Variants in FHIT observed in about 807,000 individuals in gnomAD.
FHIT encodes the protein bis(5'-adenosyl)-triphosphatase.
A neutral mutation model predicts 17.9 loss-of-function variants in FHIT; 19 were observed. The observed-to-expected ratio is 1.06, with a 90% CI of 0.74 to 1.56. FHIT has a LOEUF of 1.56. FHIT is among the 40% of genes most tolerant of loss of function. The pLI is 0.00. For missense variants in FHIT, 248 were observed against 189.2 expected (o/e 1.31, Z -1.82); for synonymous variants, 81 against 69.7 (o/e 1.16, Z -0.81).
intron 2 of FHIT, among the ~76,000 whole-genome samples, chr3:61,174,008 G>A (rs1425716389): frequency 3.3e-5 from 5 of 152,220 alleles, no homozygotes; most frequent in African/African-American, 1.2e-4. Flanking sequence ...TTGACCTGCA[G>A]TAATTGGGAA....
intron 3 of FHIT, among the ~76,000 whole-genome samples, chr3:60,938,320 C>G (rs1220228096): frequency 6.6e-6 from 1 of 152,088 alleles, no homozygotes; most frequent in Non-Finnish European, 1.5e-5. Flanking sequence ...CCCCAGAAGC[C>G]CAGCTGAAAG....
At chr3:60,971,641 A>C (rs556612072) in intron 3 of FHIT, among the ~76,000 whole-genome samples, 14 of 151,916 alleles carry the variant, frequency 9.2e-5, no homozygotes, top group African/African-American at 3.4e-4. Flanking sequence ...AATGCTTCCT[A>C]GCTGTAATTT....
chr3:59,800,039 T>A (rs1004723439), intron 8 of FHIT, among the ~76,000 whole-genome samples: 20 of 152,224 alleles, frequency 1.3e-4, no homozygotes, highest in African/African-American at 4.8e-4. Context: ...TGAAAACCAT[T>A]CAGGAATACA....
intron 1 of FHIT, among the ~76,000 whole-genome samples, chr3:61,220,363 A>G (rs1004386835): frequency 6.6e-6 from 1 of 152,254 alleles, no homozygotes; most frequent in Non-Finnish European, 1.5e-5. Flanking sequence ...ATTATTTAAG[A>G]ATCTGCATAA....
intron 5 of FHIT, among the ~76,000 whole-genome samples, chr3:60,358,815 G>A (rs1315714412): frequency 2.6e-5 from 4 of 152,074 alleles, no homozygotes. Context: ...AGGTCTTTGG[G>A]GAAATTATTC....
At chr3:60,486,578 A>C (rs1449557613) in intron 5 of FHIT, among the ~76,000 whole-genome samples, 2 of 152,116 alleles carry the variant, frequency 1.3e-5, no homozygotes, top group Admixed American at 1.3e-4. Context: ...CTGATAGCTA[A>C]AGATCTATAG....
intron 5 of FHIT, among the ~76,000 whole-genome samples, chr3:60,031,484 C>A (rs1700998599): frequency 6.6e-6 from 1 of 152,202 alleles, no homozygotes; most frequent in African/African-American, 2.4e-5. Flanking sequence ...TGACTCAGAT[C>A]TGGATTCCAA....
intron 5 of FHIT, among the ~76,000 whole-genome samples, chr3:60,291,952 C>A (rs1384242413): frequency 6.6e-6 from 1 of 152,078 alleles, no homozygotes; most frequent in Non-Finnish European, 1.5e-5. Context: ...ATCTTGATTT[C>A]AGATTTTTGG....
chr3:60,840,474 A>G (rs949896130), intron 3 of FHIT, among the ~76,000 whole-genome samples: 1 of 152,190 alleles, frequency 6.6e-6, no homozygotes, highest in Non-Finnish European at 1.5e-5. Context: ...ATTCCTACAA[A>G]GTCCCCAGTT....
intron 4 of FHIT, among the ~76,000 whole-genome samples, chr3:60,631,071 T>C (rs2039429209): frequency 6.6e-6 from 1 of 151,954 alleles, no homozygotes; most frequent in African/African-American, 2.4e-5. Flanking sequence ...GCAGATAACT[T>C]TGAAGATTTT....
chr3:60,197,473 C>T (rs927661844), intron 5 of FHIT, among the ~76,000 whole-genome samples: 12 of 152,124 alleles, frequency 7.9e-5, no homozygotes, highest in Non-Finnish European at 1.5e-5. Flanking sequence ...TGGATTAAAA[C>T]AATGCCAAAG....
intron 3 of FHIT, among the ~76,000 whole-genome samples, chr3:60,935,569 A>T (rs1256262097): frequency 6.6e-6 from 1 of 152,222 alleles, no homozygotes; most frequent in Non-Finnish European, 1.5e-5. Context: ...AAATGGCCCC[A>T]CACATGAGCC....
chr3:59,849,338 G>A (rs377493869), intron 8 of FHIT, among the ~76,000 whole-genome samples: 6 of 151,858 alleles, frequency 4.0e-5, no homozygotes, highest in East Asian at 3.9e-4. Context: ...ATGCTACTGC[G>A]CTCCAGCCTG....
intron 2 of FHIT, among the ~76,000 whole-genome samples, chr3:61,110,880 T>C (rs552805669): frequency 1.3e-5 from 2 of 152,304 alleles, no homozygotes; most frequent in Middle Eastern, 6.8e-3. Context: ...AAGTGCTGGA[T>C]TTGCTCAGTG....
intron 4 of FHIT, among the ~76,000 whole-genome samples, chr3:60,606,906 T>A (rs1351506500): frequency 6.6e-6 from 1 of 152,182 alleles, no homozygotes; most frequent in Non-Finnish European, 1.5e-5. Context: ...AAATTCCTTT[T>A]CTACTTATAT....
chr3:60,415,732 TAAAA>T (rs5849361), intron 5 of FHIT, among the ~76,000 whole-genome samples: 13 of 143,292 alleles, frequency 9.1e-5, no homozygotes, highest in Admixed American at 1.4e-4. Flanking sequence ...ACGCCTGAGT[TAAAA>T]AAAAAAAAAA....
intron 2 of FHIT, among the ~76,000 whole-genome samples, chr3:61,128,487 G>A (rs532924547): frequency 3.3e-5 from 5 of 151,998 alleles, no homozygotes; most frequent in East Asian, 1.9e-4. Context: ...CAATATAGGC[G>A]ACAACATTTT....
At chr3:59,866,104 CAGAG>C (rs1245840971) in intron 8 of FHIT, among the ~76,000 whole-genome samples, 4 of 152,118 alleles carry the variant, frequency 2.6e-5, no homozygotes, top group Non-Finnish European at 5.9e-5. Context: ...ATAGACGATA[CAGAG>C]ACCAGCAAGC....
intron 5 of FHIT, among the ~76,000 whole-genome samples, chr3:60,435,814 G>A (rs1452773084): frequency 2.0e-5 from 3 of 151,920 alleles, no homozygotes; most frequent in African/African-American, 4.8e-5. Context: ...CTCACACTCC[G>A]TGTTCTGACA....
Sources: gnomAD v4.1 joint callset for allele counts (sites outside exome capture counted in the v4.1 genomes callset) on GRCh38, gnomAD v4.1.1 for gene constraint, MANE v1.5 for transcripts, NCBI Gene and HGNC (gene_info 2026-07-23, HGNC 2026-07-21) for gene names.